IPO5: variants seen among roughly 807,000 people sequenced by gnomAD.
IPO5 encodes importin 5, also known as importin-5.
In IPO5, 18 loss-of-function variants were observed where a neutral mutation model predicts 143.3. That is an observed-to-expected ratio of 0.13 (90% CI 0.09 to 0.19). IPO5 has a LOEUF of 0.19. Ranked by LOEUF, IPO5 falls within the 10% of genes least tolerant of loss-of-function variation. The pLI, the probability that IPO5 is intolerant of heterozygous loss-of-function variation, is 1.00. For synonymous variants in IPO5, 477 were observed against 465.7 expected (o/e 1.02, Z -0.31); for missense variants, 1,013 against 1,336.9 (o/e 0.76, Z 3.78).
In IPO5 at chr13:97,954,946, G is replaced by A. The variant is rs367955855; in HGVS notation, c.-113+748G>A. ...TATAAACCTCCAAATGAAAAATACC[G>A]GCCGGGCACAGTGGCTCACACCTAT... On this transcript the variant is annotated intron_variant, in intron 2 of 28. Transcript: ENST00000651721. Among the ~76,000 whole-genome samples the A allele has an allele frequency of 6.6e-5, 10 of 152,196 alleles. No homozygotes were observed. The East Asian group carries it at 7.7e-4, about 12-fold the overall frequency.
At chr13:97,969,584 T>G in intron 2 of IPO5, 139 bp from the exon 3 acceptor site, 1 of 597,850 alleles carries the variant, frequency 1.7e-6, no homozygotes, top group East Asian at 3.2e-5. Flanking sequence ...AAAGGTATTT[T>G]TATTTTCTCC....
chr13:98,000,612 A>T lies in IPO5; in HGVS notation c.1075A>T (p.Ile359Phe). Reference protein sequence around the residue: ...GLGGKLVLPMIKEHIMQMLQN... With the variant: ...GLGGKLVLPMFKEHIMQMLQN... ...TGGTGGAAAGCTCGTTCTGCCGATGATCAAGGAACACATTATGCAAATGCT... is the reference window on the plus strand; with the variant it reads ...TGGTGGAAAGCTCGTTCTGCCGATGTTCAAGGAACACATTATGCAAATGCT... Residue 359 changes from isoleucine to phenylalanine, a missense_variant, in exon 13 of 29, where the codon ATC becomes TTC. Physicochemically the swap from Ile to Phe is conservative, Grantham distance 21. Around this residue, in one of 2 missense-constraint regions of IPO5, gnomAD observed 685 missense variants for 994.9 expected, o/e 0.69. Transcript: ENST00000651721. 3 of 1,614,120 alleles carry T rather than the reference A, an allele frequency of 1.9e-6. No individual in the cohort carries two copies. Among genetic ancestry groups the T allele is most frequent in the Non-Finnish European group, 1.7e-6 (2 of 1,179,950 alleles).
intron 25 of IPO5, among the ~76,000 whole-genome samples, chr13:98,017,596 G>T (rs1476305708): frequency 6.7e-6 from 1 of 150,164 alleles, no homozygotes; most frequent in African/African-American, 2.5e-5. Context: ...CTGCGCCCAG[G>T]CCTACGCTTC....
intron 21 of IPO5, 120 bp from the exon 22 acceptor site, chr13:98,013,920 AAC>A: frequency 1.3e-6 from 1 of 741,874 alleles, no homozygotes. Flanking sequence ...CTTTATATTT[AAC>A]ACAAGCTCTT....
chr13:97,982,103 T>C (rs1257376100), intron 4 of IPO5: 1 of 170,970 alleles, frequency 5.8e-6, no homozygotes, highest in Non-Finnish European at 1.2e-5. Context: ...CAGTTGTACA[T>C]CATCCAGTCT....
chr13:97,982,761 T>C (rs1348843875), intron 5 of IPO5, among the ~76,000 whole-genome samples, 178 bp downstream of exon 5: 1 of 152,252 alleles, frequency 6.6e-6, no homozygotes, highest in Non-Finnish European at 1.5e-5. Context: ...TGAAGTACTT[T>C]GTATTAAGAA....
At chr13:97,979,552 G>A (rs1886671528) in intron 4 of IPO5, among the ~76,000 whole-genome samples, 2 of 152,174 alleles carry the variant, frequency 1.3e-5, no homozygotes, top group Non-Finnish European at 2.9e-5. Flanking sequence ...GACAAGTAGT[G>A]CAAAGTACAG....
chr13:97,981,630 G>C (rs1055980347), intron 4 of IPO5, among the ~76,000 whole-genome samples: 1 of 152,208 alleles, frequency 6.6e-6, no homozygotes, highest in African/African-American at 2.4e-5. Context: ...TAAATTGCTA[G>C]ATAAGAATGG....
chr13:97,961,193 T>G (rs1884853846), intron 2 of IPO5, among the ~76,000 whole-genome samples: 2 of 152,266 alleles, frequency 1.3e-5, no homozygotes, highest in Admixed American at 1.3e-4. Flanking sequence ...TTTCCTTGTA[T>G]AGTTAGAAGA....
Position 98,014,182 on chromosome 13 carries a change from G to A in IPO5, c.2293G>A (p.Val765Ile), listed in dbSNP as rs1296310512. The A allele has an allele frequency of 8.7e-6, 14 of 1,612,014 alleles. No homozygotes were observed. Among genetic ancestry groups the A allele is most frequent in the Admixed American group, 1.7e-5 (1 of 59,770 alleles). Residue 765 changes from valine to isoleucine, a missense_variant, in exon 22 of 29, where the codon GTC (valine) becomes ATC (isoleucine). This residue lies in a region of IPO5 where 685 missense variants were observed against 994.9 expected (regional missense o/e 0.69). Coordinates refer to ENST00000651721, the MANE Select transcript of IPO5 (RefSeq NM_002271.6). Reference sequence around the variant, plus strand: ...CATTGGTACAGAACCAGATTCAGACGTCCTCTCAGAAATAATGCATTCTTT... The same window carrying A: ...CATTGGTACAGAACCAGATTCAGACATCCTCTCAGAAATAATGCATTCTTT... ...KAIGTEPDSDVLSEIMHSFAK... is the reference protein window; with the variant it reads ...KAIGTEPDSDILSEIMHSFAK...
intron 11 of IPO5, among the ~76,000 whole-genome samples, chr13:97,994,201 G>A (rs750991217): frequency 9.9e-5 from 15 of 152,220 alleles, no homozygotes; most frequent in African/African-American, 3.1e-4. Flanking sequence ...CCAGCTACTC[G>A]GGAGGCTGAG....
rs746858908 is a variant in IPO5, at chr13:97,992,893, C to T, written c.671C>T (p.Ala224Val). The T allele has an allele frequency of 6.2e-6, 10 of 1,607,532 alleles. No individual in the cohort carries two copies. Among genetic ancestry groups the T allele is most frequent in the Admixed American group, 1.7e-5 (1 of 59,388 alleles). The change falls in exon 10 of 29, where the codon GCG becomes GTG. Residue 224 changes from alanine (A) to valine (V), a missense_variant and splice_region_variant. By Grantham distance (64) the Ala-to-Val change is moderately conservative. Transcript: ENST00000651721. ...GACTTTCTGTTTCATCTTTTCTAGG[C>T]GGTAAATGACTCGTGCTACCAGAAT... ...FADLLPGFLQ[A>V]VNDSCYQNDD...
chr13:97,992,995 C>T lies in IPO5; in HGVS notation c.773C>T (p.Thr258Ile). ...TATTTGCGTCCTCACTTGGAAGCAA[C>T]TCTACAGCTAAGTCTAAAGGTAAAT... ...PKYLRPHLEA[T>I]LQLSLKLCGD... Residue 258 changes from threonine to isoleucine, a missense_variant, in exon 10 of 29, where the codon ACT becomes ATT. This residue lies in a region of IPO5 where 328 missense variants were observed against 342.0 expected (regional missense o/e 0.96). Coordinates refer to ENST00000651721, the MANE Select transcript of IPO5 (RefSeq NM_002271.6). 1 of 1,613,740 alleles carries T rather than the reference C, an allele frequency of 6.2e-7. No individual in the cohort carries two copies. Among genetic ancestry groups the T allele is most frequent in the South Asian group, 1.1e-5 (1 of 91,022 alleles).
intron 27 of IPO5, among the ~76,000 whole-genome samples, chr13:98,020,377 T>C (rs985152708): frequency 3.9e-5 from 6 of 152,092 alleles, no homozygotes; most frequent in Non-Finnish European, 7.3e-5. Flanking sequence ...CCATACTTGT[T>C]TAAGTTCAGG....
At chr13:97,993,310 T>C in intron 11 of IPO5, 85 bp downstream of exon 11, 3 of 1,125,926 alleles carry the variant, frequency 2.7e-6, no homozygotes, top group Non-Finnish European at 2.6e-6. Context: ...ATTTCTCAGA[T>C]TGTTGAGAAT....
chr13:98,003,046 T>A lies in IPO5; in HGVS notation c.1497+9T>A. 1 of 1,595,978 alleles carries A rather than the reference T, an allele frequency of 6.3e-7. No homozygotes were observed. The highest frequency in any genetic ancestry group is 8.5e-7 in the Non-Finnish European group (1 of 1,171,086). ...TACTGAAGCTTCAAGAGGTAAGTTT[T>A]AAGATCTGTAGGCTGCTTTCTGTTT... On this transcript the variant is annotated intron_variant, in intron 16 of 28. Coordinates refer to ENST00000651721, the MANE Select transcript of IPO5 (RefSeq NM_002271.6).
chr13:97,998,663 C>T (rs1440466265), intron 12 of IPO5, among the ~76,000 whole-genome samples: 3 of 152,164 alleles, frequency 2.0e-5, no homozygotes, highest in Non-Finnish European at 4.4e-5. Flanking sequence ...AAACATAGCA[C>T]CTCTGAGCTC....
chr13:97,980,712 A>G (rs1793144873), intron 4 of IPO5, among the ~76,000 whole-genome samples: 2 of 152,046 alleles, frequency 1.3e-5, no homozygotes, highest in Non-Finnish European at 2.9e-5. Context: ...CTGTAATCCC[A>G]GCTACTGAGG....
In IPO5 at chr13:97,993,112, G is replaced by C. The variant is rs1214633302; in HGVS notation, c.800G>C (p.Gly267Ala). The C allele has an allele frequency of 6.2e-7, 1 of 1,614,054 alleles. No individual in the cohort carries two copies. Among genetic ancestry groups the C allele is most frequent in the Non-Finnish European group, 8.5e-7 (1 of 1,179,960 alleles). Residue 267 changes from glycine (G) to alanine (A), a missense_variant, in exon 11 of 29, where the codon GGA (glycine) becomes GCA (alanine). This residue lies in a region of IPO5 where 328 missense variants were observed against 342.0 expected (regional missense o/e 0.96). Coordinates refer to ENST00000651721, the MANE Select transcript of IPO5 (RefSeq NM_002271.6). ...ATLQLSLKLC[G>A]DTSLNNMQRQ... is the part of the protein sequence containing the mutation. ...AATATGTCTTCTTTGTAGTTGTGTGGAGACACTAGCCTCAACAATATGCAA... is the reference window on the plus strand; with the variant it reads ...AATATGTCTTCTTTGTAGTTGTGTGCAGACACTAGCCTCAACAATATGCAA...
Sources: gnomAD v4.1 joint callset for allele counts (sites outside exome capture counted in the v4.1 genomes callset) on GRCh38, gnomAD v4.1.1 for gene constraint, gnomAD v4.1.1 regional missense constraint, MANE v1.5 for transcripts, NCBI Gene and HGNC (gene_info 2026-07-23, HGNC 2026-07-21) for gene names.